RERG: variants seen among roughly 807,000 people sequenced by gnomAD.
RERG encodes the protein RAS like estrogen regulated growth inhibitor, also known as ras-related and estrogen-regulated growth inhibitor.
Under a neutral mutation model 23.2 loss-of-function variants are expected in RERG, and 25 were observed. That is an observed-to-expected ratio of 1.08 (90% CI 0.79 to 1.50). RERG has a LOEUF of 1.50. Among genes scored for constraint, RERG ranks in the 40% most tolerant of loss-of-function variants. The pLI, the probability that RERG is intolerant of heterozygous loss-of-function variation, is 0.00. For synonymous variants in RERG, 81 were observed against 89.1 expected (o/e 0.91, Z 0.51); for missense variants, 253 against 250.1 (o/e 1.01, Z -0.08).
chr12:15,109,106 C>G lies in RERG; in HGVS notation c.*4G>C. 6.4e-7 allele frequency: 1 copy of G among 1,570,356 alleles called. No individual in the cohort carries two copies. The highest frequency in any genetic ancestry group is 1.8e-5 in the Admixed American group (1 of 54,278). The stretch of plus-strand genomic sequence containing the variant: ...AATTAGTTGGTCCACCTCAGCTGGG[C>G]TGCCTAACTACTGATTTTGGTGAGC... On this transcript the variant is annotated 3_prime_UTR_variant, in exon 5 of 5. Transcript: ENST00000256953.
At chr12:15,156,521 T>C (rs923464431) in intron 2 of RERG, among the ~76,000 whole-genome samples, 1 of 152,234 alleles carries the variant, frequency 6.6e-6, no homozygotes, top group African/African-American at 2.4e-5. Context: ...ATCTCTCTGA[T>C]GATTCAGAAA....
intron 2 of RERG, among the ~76,000 whole-genome samples, chr12:15,186,235 A>ATATTT (rs1864988459): frequency 6.6e-6 from 1 of 151,582 alleles, no homozygotes; most frequent in African/African-American, 2.4e-5. Context: ...AAAATACATT[A>ATATTT]TATTTTATAT....
intron 2 of RERG, 197 bp downstream of exon 2, chr12:15,217,232 A>C (rs1438088125): frequency 5.5e-6 from 3 of 542,592 alleles, no homozygotes; most frequent in African/African-American, 1.9e-5. Flanking sequence ...AAGCTACTTC[A>C]GCATAAATAA....
chr12:15,163,322 T>C (rs1478144458), intron 2 of RERG, among the ~76,000 whole-genome samples: 4 of 152,222 alleles, frequency 2.6e-5, no homozygotes, highest in African/African-American at 9.6e-5. Context: ...TCATTTTTCC[T>C]GGATCATATT....
At chr12:15,126,466 C>G (rs932579409) in intron 2 of RERG, among the ~76,000 whole-genome samples, 1 of 151,840 alleles carries the variant, frequency 6.6e-6, no homozygotes, top group South Asian at 2.1e-4. Context: ...ATTTACTTGA[C>G]TGTACATTTC....
At chr12:15,143,319 CGT>C (rs1330604929) in intron 2 of RERG, among the ~76,000 whole-genome samples, 1 of 150,852 alleles carries the variant, frequency 6.6e-6, no homozygotes, top group East Asian at 1.9e-4. Flanking sequence ...TACACACACA[CGT>C]GTGTATGTAA....
intron 3 of RERG, among the ~76,000 whole-genome samples, chr12:15,117,683 A>G (rs796591861): frequency 0.49 from 73,350 of 149,470 alleles, 18,306 homozygotes; most frequent in Admixed American, 0.6. Flanking sequence ...GCGCACACAC[A>G]CACACACACA....
intron 2 of RERG, among the ~76,000 whole-genome samples, chr12:15,215,644 T>C (rs7955811): frequency 0.02 from 2,965 of 151,992 alleles, 95 homozygotes; most frequent in African/African-American, 0.066. Flanking sequence ...TAAAAAAAGA[T>C]AAGACAGTAA....
At chr12:15,148,116 T>TA (rs1864364795) in intron 2 of RERG, among the ~76,000 whole-genome samples, 1 of 152,162 alleles carries the variant, frequency 6.6e-6, no homozygotes, top group South Asian at 2.1e-4. Flanking sequence ...ATTATATCCT[T>TA]ATAGCCCAGG....
chr12:15,186,337 G>T (rs1397925601), intron 2 of RERG, among the ~76,000 whole-genome samples: 5 of 151,966 alleles, frequency 3.3e-5, no homozygotes, highest in African/African-American at 1.2e-4. Flanking sequence ...TTGTCTGGAT[G>T]TTTGCTGGGC....
chr12:15,181,666 T>A (rs190054533), intron 2 of RERG, among the ~76,000 whole-genome samples: 6 of 152,382 alleles, frequency 3.9e-5, no homozygotes, highest in African/African-American at 1.4e-4. Flanking sequence ...CTGGACATCA[T>A]AGGAGTTCAA....
At chr12:15,213,298 T>C (rs945372691) in intron 2 of RERG, among the ~76,000 whole-genome samples, 11 of 152,256 alleles carry the variant, frequency 7.2e-5, no homozygotes, top group African/African-American at 2.4e-4. Flanking sequence ...GTGTGCATTC[T>C]AGGCTTATTG....
chr12:15,220,116 TAAGTAAA>T (rs1865493553), intron 1 of RERG, among the ~76,000 whole-genome samples: 1 of 152,230 alleles, frequency 6.6e-6, no homozygotes, highest in African/African-American at 2.4e-5. Context: ...ATTGTTGTAA[TAAGTAAA>T]CTGTTGCCAA....
intron 2 of RERG, among the ~76,000 whole-genome samples, chr12:15,155,690 C>T (rs1257629713): frequency 6.6e-6 from 1 of 152,106 alleles, no homozygotes; most frequent in Non-Finnish European, 1.5e-5. Context: ...CATTTACAGC[C>T]TTTCTCTACT....
At chr12:15,209,296 T>C (rs956296216) in intron 2 of RERG, among the ~76,000 whole-genome samples, 74 of 152,354 alleles carry the variant, frequency 4.9e-4, no homozygotes, top group African/African-American at 1.7e-3. Flanking sequence ...CATTTTGTCC[T>C]ACCTGCATTC....
chr12:15,171,651 A>C (rs1389437693), intron 2 of RERG, among the ~76,000 whole-genome samples: 1 of 152,186 alleles, frequency 6.6e-6, no homozygotes, highest in African/African-American at 2.4e-5. Context: ...GTTGTTAATG[A>C]ATTATTTTTA....
intron 2 of RERG, among the ~76,000 whole-genome samples, chr12:15,126,631 C>T (rs1863946752): frequency 6.6e-6 from 1 of 151,856 alleles, no homozygotes; most frequent in African/African-American, 2.4e-5. Context: ...GCTGGTAACC[C>T]AGAATGGAAC....
At chr12:15,185,772 G>A (rs907954805) in intron 2 of RERG, among the ~76,000 whole-genome samples, 6 of 151,556 alleles carry the variant, frequency 4.0e-5, no homozygotes, top group Non-Finnish European at 8.8e-5. Flanking sequence ...AAACCTCAGT[G>A]ACATGCAATT....
intron 2 of RERG, among the ~76,000 whole-genome samples, chr12:15,134,172 C>A (rs1049846678): frequency 4.0e-5 from 6 of 150,972 alleles, no homozygotes; most frequent in African/African-American, 1.5e-4. Context: ...ACCACCATAC[C>A]CAAGGTCACA....
Sources: gnomAD v4.1 joint callset for allele counts (sites outside exome capture counted in the v4.1 genomes callset) on GRCh38, gnomAD v4.1.1 for gene constraint, MANE v1.5 for transcripts, NCBI Gene and HGNC (gene_info 2026-07-23, HGNC 2026-07-21) for gene names.